Variants in CNTNAP5 observed in about 807,000 individuals in gnomAD.
CNTNAP5 encodes contactin-associated protein-like 5.
CNTNAP5 carries 72 observed loss-of-function variants against 150.2 expected under a neutral mutation model. The ratio of observed to expected loss-of-function variants is 0.48; its 90% CI spans 0.40 to 0.58. The LOEUF (loss-of-function observed/expected upper bound fraction) is 0.58, where lower values mean the gene tolerates loss of function less well. Ranked by LOEUF, CNTNAP5 falls within the 20% of genes least tolerant of loss-of-function variation. The probability of loss-of-function intolerance (pLI) is 0.00; values close to 1 mark genes in which losing one functional copy is unlikely to be tolerated. For synonymous variants in CNTNAP5, 672 were observed against 619.8 expected, an observed-to-expected ratio of 1.08 and a Z score of -1.25; for missense variants, 1,636 against 1,626.2, an observed-to-expected ratio of 1.01 and a Z score of -0.10.
chr2:124,035,065 C>T (rs17039887), intron 1 of CNTNAP5, among the ~76,000 whole-genome samples: 5,010 of 142,210 alleles, frequency 0.035, 135 homozygotes, highest in South Asian at 0.14. Context: ...TGCCTAGTGC[C>T]CATCCATTTA....
chr2:124,765,540 C>T (rs995761279), intron 16 of CNTNAP5, among the ~76,000 whole-genome samples: 1 of 151,952 alleles, frequency 6.6e-6, no homozygotes, highest in Non-Finnish European at 1.5e-5. Flanking sequence ...TTAACTTTCC[C>T]TCAGAATATA....
At chr2:124,505,551 G>T (rs995425523) in intron 8 of CNTNAP5, among the ~76,000 whole-genome samples, 1 of 152,086 alleles carries the variant, frequency 6.6e-6, no homozygotes, top group Non-Finnish European at 1.5e-5. Flanking sequence ...TCCTCAAATG[G>T]CCAAAATTTG....
intron 10 of CNTNAP5, among the ~76,000 whole-genome samples, chr2:124,552,317 A>G (rs1203828345): frequency 6.6e-6 from 1 of 152,154 alleles, no homozygotes; most frequent in Non-Finnish European, 1.5e-5. Context: ...AGGTGACCCC[A>G]CTACACCCCT....
intron 19 of CNTNAP5, among the ~76,000 whole-genome samples, chr2:124,838,407 C>T (rs1225906203): frequency 2.6e-5 from 4 of 152,094 alleles, no homozygotes; most frequent in African/African-American, 9.7e-5. Flanking sequence ...TTGATGGGCA[C>T]ACAGGCTTAA....
intron 1 of CNTNAP5, among the ~76,000 whole-genome samples, chr2:124,154,482 C>T (rs1684478740): frequency 6.6e-6 from 1 of 152,080 alleles, no homozygotes; most frequent in East Asian, 1.9e-4. Flanking sequence ...CACCTCCCCT[C>T]CCCCGAGGTG....
chr2:124,038,954 G>A (rs561170691), intron 1 of CNTNAP5, among the ~76,000 whole-genome samples: 8 of 152,256 alleles, frequency 5.3e-5, no homozygotes, highest in Non-Finnish European at 8.8e-5. Context: ...GTATTGGTCC[G>A]GGAGCTGATG....
chr2:124,356,269 A>G (rs907414646), intron 3 of CNTNAP5, among the ~76,000 whole-genome samples: 6 of 151,778 alleles, frequency 4.0e-5, no homozygotes, highest in Non-Finnish European at 8.8e-5. Flanking sequence ...CTTTAGAAAT[A>G]TGCTTTGACA....
chr2:124,867,299 C>A (rs1036686175), intron 20 of CNTNAP5, among the ~76,000 whole-genome samples: 5 of 152,196 alleles, frequency 3.3e-5, no homozygotes, highest in African/African-American at 1.2e-4. Context: ...GTGTTCCATT[C>A]TCTTTGTCCT....
intron 13 of CNTNAP5, among the ~76,000 whole-genome samples, chr2:124,672,377 A>G (rs1220670994): frequency 6.6e-6 from 1 of 152,184 alleles, no homozygotes; most frequent in Non-Finnish European, 1.5e-5. Context: ...TTAGCTCATA[A>G]CAGTGAAAAA....
At chr2:124,372,042 A>C (rs902927980) in intron 3 of CNTNAP5, among the ~76,000 whole-genome samples, 1 of 152,034 alleles carries the variant, frequency 6.6e-6, no homozygotes, top group African/African-American at 2.4e-5. Flanking sequence ...GAATCACCCT[A>C]AACCTGGATG....
At chr2:124,378,528 A>AT (rs929152735) in intron 3 of CNTNAP5, among the ~76,000 whole-genome samples, 2 of 152,062 alleles carry the variant, frequency 1.3e-5, no homozygotes, top group Non-Finnish European at 2.9e-5. Context: ...CATATGTCTG[A>AT]TTTTTTTCAA....
At chr2:124,510,056 TTGAGTGTGGTGGCGCA>T (rs1474183204) in intron 8 of CNTNAP5, among the ~76,000 whole-genome samples, 1 of 151,474 alleles carries the variant, frequency 6.6e-6, no homozygotes, top group Non-Finnish European at 1.5e-5. Flanking sequence ...CAAAAGTTAG[TTGAGTGTGGTGGCGCA>T]TGCCTGTAAT....
intron 14 of CNTNAP5, among the ~76,000 whole-genome samples, chr2:124,747,864 C>A (rs1459172538): frequency 8.8e-6 from 1 of 113,478 alleles, no homozygotes; most frequent in Non-Finnish European, 1.7e-5. Flanking sequence ...GTCTTGATAT[C>A]TTGACCTCGT....
Position 124,117,647 on chromosome 2 carries a change from T to G in CNTNAP5, c.82+91915T>G, listed in dbSNP as rs868353950. ...TCAGTAAAAAAAGCCTTGTTCAGCATAAGTGAATTTCTTTCCATAGCACCG... is the reference window on the plus strand; with the variant it reads ...TCAGTAAAAAAAGCCTTGTTCAGCAGAAGTGAATTTCTTTCCATAGCACCG... On this transcript the variant is annotated intron_variant, in intron 1 of 23. Transcript: ENST00000682447. Among the ~76,000 whole-genome samples the G allele has an allele frequency of 7.2e-5, 11 of 152,356 alleles. No individual in the cohort carries two copies. In the South Asian group the frequency reaches 1.2e-3, roughly 17 times the overall value.
chr2:124,265,847 C>A (rs1174564994), intron 3 of CNTNAP5, among the ~76,000 whole-genome samples: 1 of 147,956 alleles, frequency 6.8e-6, no homozygotes, highest in Non-Finnish European at 1.5e-5. Context: ...TAAAAAAAAA[C>A]AGAGTCAGTC....
At chr2:124,714,027 T>C (rs1679894187) in intron 13 of CNTNAP5, among the ~76,000 whole-genome samples, 1 of 152,180 alleles carries the variant, frequency 6.6e-6, no homozygotes, top group South Asian at 2.1e-4. Flanking sequence ...CAAGAATGTC[T>C]TTAGGCTCTT....
At chr2:124,494,498 C>G (rs1026064162) in intron 7 of CNTNAP5, among the ~76,000 whole-genome samples, 3 of 152,166 alleles carry the variant, frequency 2.0e-5, no homozygotes, top group Non-Finnish European at 4.4e-5. Context: ...CTAGTGCACT[C>G]AGACTCACAT....
intron 18 of CNTNAP5, among the ~76,000 whole-genome samples, chr2:124,797,494 TG>T (rs1169401537): frequency 1.3e-5 from 2 of 152,204 alleles, no homozygotes; most frequent in Non-Finnish European, 2.9e-5. Context: ...GCTAAAAAAA[TG>T]AGTTTAAGAG....
At chr2:124,452,659 C>T (rs1423133457) in intron 6 of CNTNAP5, among the ~76,000 whole-genome samples, 30 of 152,136 alleles carry the variant, frequency 2.0e-4, no homozygotes, top group Admixed American at 2.0e-3. Flanking sequence ...CTGCAACCTC[C>T]ACTGGAGCAG....
Sources: gnomAD v4.1 joint callset for allele counts (sites outside exome capture counted in the v4.1 genomes callset) on GRCh38, gnomAD v4.1.1 for gene constraint, MANE v1.5 for transcripts, NCBI Gene and HGNC (gene_info 2026-07-23, HGNC 2026-07-21) for gene names.